SLCO3A1: variants seen among roughly 807,000 people sequenced by gnomAD.
SLCO3A1 encodes solute carrier organic anion transporter family member 3A1.
A neutral mutation model predicts 63.1 loss-of-function variants in SLCO3A1; 27 were observed. The ratio of observed to expected loss-of-function variants is 0.43; its 90% confidence interval spans 0.32 to 0.59. SLCO3A1 has a LOEUF of 0.59. Among genes scored for constraint, SLCO3A1 ranks in the 20% least tolerant of loss-of-function variants. The pLI is 0.09. For missense variants in SLCO3A1, 773 were observed against 945.8 expected, an observed-to-expected ratio of 0.82 and a Z score of 2.40; for synonymous variants, 473 against 409.9, an observed-to-expected ratio of 1.15 and a Z score of -1.86.
intron 2 of SLCO3A1, among the ~76,000 whole-genome samples, chr15:92,077,748 C>T (rs1337493277): frequency 4.6e-5 from 7 of 152,216 alleles, no homozygotes; most frequent in Non-Finnish European, 8.8e-5. Context: ...GGATATGGCT[C>T]TGAGCAGGTT....
At chr15:91,970,011 G>A (rs187610060) in intron 2 of SLCO3A1, among the ~76,000 whole-genome samples, 26 of 152,192 alleles carry the variant, frequency 1.7e-4, no homozygotes, top group Middle Eastern at 3.4e-3. Context: ...GAAGTGTAGT[G>A]TTTTTTCCCC....
chr15:91,983,521 A>G (rs2046012530), intron 2 of SLCO3A1, among the ~76,000 whole-genome samples: 1 of 152,144 alleles, frequency 6.6e-6, no homozygotes, highest in Non-Finnish European at 1.5e-5. Context: ...ACTGTCCCGG[A>G]CAGATTGAGA....
chr15:92,003,876 T>C (rs1164598643), intron 2 of SLCO3A1, among the ~76,000 whole-genome samples: 1 of 152,178 alleles, frequency 6.6e-6, no homozygotes, highest in African/African-American at 2.4e-5. Context: ...AGGCATTGCC[T>C]GGCAGTGCTC....
intron 4 of SLCO3A1, among the ~76,000 whole-genome samples, chr15:92,112,102 T>G (rs1027326099): frequency 6.6e-6 from 1 of 152,072 alleles, no homozygotes; most frequent in African/African-American, 2.4e-5. Flanking sequence ...GATACTTGAT[T>G]AAAGATTGTA....
At position 91,872,949 on chromosome 15, in the gene SLCO3A1, C is replaced by T. The variant is rs1297626861; in HGVS notation, c.180+18861C>T. ...TCCAGGGCTGGTCACAGGGCCCCTG[C>T]TCCTGGCATGCAGCTACCTGCGTGC... On this transcript the variant is annotated intron_variant, in intron 1 of 9. Coordinates refer to ENST00000318445, the MANE Select transcript of SLCO3A1 (RefSeq NM_013272.4). This position sits in a 1 kb window ranked among gnomAD's most constrained non-coding sequence, Gnocchi z 4.1. Among the ~76,000 whole-genome samples, 1 of 152,206 alleles carries T rather than the reference C, an allele frequency of 6.6e-6. No homozygotes were observed. The highest frequency in any genetic ancestry group is 1.5e-5 in the Non-Finnish European group (1 of 68,036).
At chr15:92,016,204 T>TAGATAGATAGATAGATAG (rs1567067728) in intron 2 of SLCO3A1, among the ~76,000 whole-genome samples, 1 of 120,122 alleles carries the variant, frequency 8.3e-6, no homozygotes, top group Non-Finnish European at 1.7e-5. Flanking sequence ...TATATATTTA[T>TAGATAGATAGATAGATAG]ATAGATAGAT....
At chr15:92,079,312 A>C (rs2047315166) in intron 2 of SLCO3A1, among the ~76,000 whole-genome samples, 1 of 152,188 alleles carries the variant, frequency 6.6e-6, no homozygotes, top group African/African-American at 2.4e-5. Flanking sequence ...GAGCTGTGTT[A>C]GTCTCCTGGG....
At chr15:91,951,930 G>A (rs564137273) in intron 2 of SLCO3A1, among the ~76,000 whole-genome samples, 4 of 152,100 alleles carry the variant, frequency 2.6e-5, no homozygotes, top group South Asian at 2.1e-4. Context: ...CTGCTGTGTC[G>A]TGTTGTAACT....
intron 4 of SLCO3A1, among the ~76,000 whole-genome samples, chr15:92,108,773 T>G (rs2047694928): frequency 6.6e-6 from 1 of 152,114 alleles, no homozygotes; most frequent in Non-Finnish European, 1.5e-5. Context: ...GGAATGCCCT[T>G]CTTCCTTCAG....
chr15:92,101,414 C>CGT (rs1032028415), intron 3 of SLCO3A1, among the ~76,000 whole-genome samples: 2 of 152,126 alleles, frequency 1.3e-5, no homozygotes, highest in African/African-American at 4.8e-5. Flanking sequence ...GAGGCTAAGG[C>CGT]AGGAGAATCG....
chr15:92,099,400 C>T (rs944516271), intron 3 of SLCO3A1, among the ~76,000 whole-genome samples: 2 of 151,808 alleles, frequency 1.3e-5, no homozygotes, highest in African/African-American at 4.8e-5. Flanking sequence ...TCTTGAGTCC[C>T]ATAGCAAAAG....
chr15:92,051,133 G>T (rs923529960), intron 2 of SLCO3A1, among the ~76,000 whole-genome samples: 13 of 152,190 alleles, frequency 8.5e-5, no homozygotes, highest in Non-Finnish European at 1.6e-4. Flanking sequence ...TGATAGAGGT[G>T]CAAATAATCA....
intron 2 of SLCO3A1, among the ~76,000 whole-genome samples, chr15:92,063,036 A>C (rs1022719137): frequency 6.6e-6 from 1 of 152,226 alleles, no homozygotes; most frequent in Non-Finnish European, 1.5e-5. Flanking sequence ...CAGGTCACCC[A>C]AAAAGAACAA....
chr15:91,905,557 C>T (rs544196431), intron 1 of SLCO3A1, among the ~76,000 whole-genome samples: 23 of 149,194 alleles, frequency 1.5e-4, no homozygotes, highest in Middle Eastern at 6.9e-3. Flanking sequence ...GATCCATGGT[C>T]GATCGAATCC....
chr15:92,026,050 C>T (rs2046569959), intron 2 of SLCO3A1, among the ~76,000 whole-genome samples: 1 of 152,204 alleles, frequency 6.6e-6, no homozygotes, highest in South Asian at 2.1e-4. Flanking sequence ...GAGCTCTGCT[C>T]TGTGTGCAGC....
intron 2 of SLCO3A1, among the ~76,000 whole-genome samples, chr15:92,009,847 G>A (rs946398170): frequency 2.0e-5 from 3 of 152,222 alleles, no homozygotes; most frequent in African/African-American, 7.2e-5. Flanking sequence ...TTTCTGTTTA[G>A]TTCAGATGGG....
chr15:92,092,243 A>T lies in SLCO3A1; in HGVS notation c.647-2638A>T, dbSNP rs986240187. ...GTTTCTGTTTTTCCAAGGATGCTGA[A>T]GGCTTGGTCCTTTGACCCATTAAGT... On this transcript the variant is annotated intron_variant, in intron 2 of 9. Transcript: ENST00000318445. Among the ~76,000 whole-genome samples the T allele has an allele frequency of 4.6e-5, 7 of 152,272 alleles. No individual in the cohort carries two copies. In the East Asian group the frequency reaches 1.4e-3, roughly 29 times the overall value.
rs925782791 is a variant in SLCO3A1 at position 92,033,417 on chromosome 15, G to A, written c.647-61464G>A. ...CAACTCTCTTCCCCTTAGTGGAGAA[G>A]TAACGATGTTCACGCTTGGGCAGCT... On this transcript the variant is annotated intron_variant, in intron 2 of 9. Coordinates refer to ENST00000318445, the MANE Select transcript of SLCO3A1 (RefSeq NM_013272.4). The surrounding 1 kb of genome is among the most constrained non-coding windows in gnomAD (Gnocchi z 4.5). 6.6e-6 allele frequency among the ~76,000 whole-genome samples: 1 copy of A among 152,324 alleles called. No individual in the cohort carries two copies. Among genetic ancestry groups the A allele is most frequent in the African/African-American group, 2.4e-5 (1 of 41,568 alleles).
chr15:92,116,599 TGCCTGGGCC>T (rs2047798275), intron 4 of SLCO3A1, among the ~76,000 whole-genome samples: 3 of 152,264 alleles, frequency 2.0e-5, no homozygotes, highest in Admixed American at 6.5e-5. Flanking sequence ...AGTTTCTGTT[TGCCTGGGCC>T]GCCCCATTAG....
Sources: gnomAD v4.1 joint callset for allele counts (sites outside exome capture counted in the v4.1 genomes callset) on GRCh38, gnomAD v4.1.1 for gene constraint, Gnocchi (gnomAD v3.1) non-coding constraint, MANE v1.5 for transcripts, NCBI Gene and HGNC (gene_info 2026-07-23, HGNC 2026-07-21) for gene names.